ARK2N: variants seen among roughly 807,000 people sequenced by gnomAD.
The protein encoded by ARK2N is arkadia (RNF111) N-terminal like PKA signaling regulator 2N.
chr18:46,257,060 T>G, the ARK2N span, among the ~76,000 whole-genome samples: 4 of 152,224 alleles, frequency 2.6e-5, no homozygotes, highest in Non-Finnish European at 5.9e-5. Flanking sequence ...TTTTAGGTTT[T>G]GATCCACATC....
At chr18:46,259,021 A>T in the ARK2N span, among the ~76,000 whole-genome samples, 2 of 148,492 alleles carry the variant, frequency 1.3e-5, no homozygotes, top group Admixed American at 6.6e-5. Context: ...CTCTGTAGTT[A>T]AAAAAAAATG....
chr18:46,241,580 G>A, the ARK2N span, among the ~76,000 whole-genome samples: 1 of 151,838 alleles, frequency 6.6e-6, no homozygotes, highest in South Asian at 2.1e-4. Context: ...AAATTAGCTG[G>A]GCGTGATGGG....
chr18:46,264,124 C>T, the ARK2N span: 1 of 152,366 alleles, frequency 6.6e-6, no homozygotes, highest in African/African-American at 2.4e-5. Flanking sequence ...GTATTTTTCT[C>T]CTCTACCTTC....
At chr18:46,181,149 A>G in the ARK2N span, among the ~76,000 whole-genome samples, 69 of 152,210 alleles carry the variant, frequency 4.5e-4, no homozygotes, top group Non-Finnish European at 7.9e-4. Flanking sequence ...AATCCCAGCT[A>G]CTTGGGAGGC....
the ARK2N span, among the ~76,000 whole-genome samples, chr18:46,180,600 GGAGGCT>G: frequency 6.6e-6 from 1 of 152,194 alleles, no homozygotes; most frequent in Non-Finnish European, 1.5e-5. Flanking sequence ...CAGCTACCCA[GGAGGCT>G]GAGGCAGGAG....
At chr18:46,189,697 C>A in the ARK2N span, among the ~76,000 whole-genome samples, 1 of 152,044 alleles carries the variant, frequency 6.6e-6, no homozygotes, top group Non-Finnish European at 1.5e-5. Flanking sequence ...ATAGTGAAAT[C>A]CTTGTTTCTA....
the ARK2N span, among the ~76,000 whole-genome samples, chr18:46,201,636 T>C: frequency 2.0e-5 from 3 of 152,154 alleles, no homozygotes; most frequent in African/African-American, 7.2e-5. Flanking sequence ...TCTCCCAGCA[T>C]TGACCTACAA....
chr18:46,262,818 A>C, the ARK2N span: 1 of 1,096,534 alleles, frequency 9.1e-7, no homozygotes, highest in Non-Finnish European at 1.3e-6. Flanking sequence ...ATGAACTTGC[A>C]TACTAGGTTT....
the ARK2N span, chr18:46,216,385 G>T: frequency 6.2e-7 from 1 of 1,614,064 alleles, no homozygotes; most frequent in South Asian, 1.1e-5. This position sits in a 1 kb window ranked among gnomAD's most constrained non-coding sequence, Gnocchi z 4.3. Flanking sequence ...TGGCCGAGTC[G>T]CCAAGGTTAA....
At chr18:46,190,877 T>C in the ARK2N span, among the ~76,000 whole-genome samples, 1 of 152,316 alleles carries the variant, frequency 6.6e-6, no homozygotes, top group Middle Eastern at 3.4e-3. Context: ...CTAGCTCCTA[T>C]GAGACATGTT....
the ARK2N span, among the ~76,000 whole-genome samples, chr18:46,254,273 T>G: frequency 1.3e-5 from 2 of 152,248 alleles, no homozygotes; most frequent in Admixed American, 1.3e-4. Context: ...TGTCTTTCAT[T>G]AGAAGCAAAC....
chr18:46,207,667 C>T, the ARK2N span, among the ~76,000 whole-genome samples: 1 of 152,166 alleles, frequency 6.6e-6, no homozygotes, highest in Non-Finnish European at 1.5e-5. Context: ...GGATTACAGG[C>T]GTGAGCCACG....
the ARK2N span, chr18:46,266,878 G>GTT: frequency 6.6e-6 from 1 of 152,208 alleles, no homozygotes; most frequent in Non-Finnish European, 1.5e-5. Flanking sequence ...AAAACAGAGT[G>GTT]TTATATATAT....
chr18:46,212,246 CAG>C, the ARK2N span, among the ~76,000 whole-genome samples: 1 of 152,078 alleles, frequency 6.6e-6, no homozygotes, highest in African/African-American at 2.4e-5. Flanking sequence ...ACTTTTATGT[CAG>C]AGTGGATTTT....
the ARK2N span, among the ~76,000 whole-genome samples, chr18:46,259,634 G>A: frequency 9.6e-5 from 14 of 146,442 alleles, no homozygotes; most frequent in East Asian, 1.5e-3. Context: ...TTTTGAGACC[G>A]AGGCTCAGCC....
At chr18:46,253,938 G>A in the ARK2N span, 4 of 1,215,666 alleles carry the variant, frequency 3.3e-6, no homozygotes, top group South Asian at 4.9e-5. Context: ...AATGAATGAT[G>A]GGAGTTCTTG....
chr18:46,223,065 C>G, the ARK2N span, among the ~76,000 whole-genome samples: 11 of 152,242 alleles, frequency 7.2e-5, no homozygotes, highest in Admixed American at 5.2e-4. Flanking sequence ...TGTTCTTATA[C>G]CATTATCAGC....
chr18:46,211,721 C>T, the ARK2N span, among the ~76,000 whole-genome samples: 19 of 152,094 alleles, frequency 1.2e-4, no homozygotes, highest in East Asian at 2.7e-3. Context: ...GAGGAGGTTG[C>T]GTTTAGATTG....
At chr18:46,237,063 A>G in the ARK2N span, among the ~76,000 whole-genome samples, 3 of 151,798 alleles carry the variant, frequency 2.0e-5, no homozygotes, top group South Asian at 4.2e-4. Flanking sequence ...GGGTTTTACC[A>G]TGTTGGTCAG....
Sources: gnomAD v4.1 joint callset for allele counts (sites outside exome capture counted in the v4.1 genomes callset) on GRCh38, gnomAD v4.1.1 for gene constraint, Gnocchi (gnomAD v3.1) non-coding constraint, MANE v1.5 for transcripts, NCBI Gene and HGNC (gene_info 2026-07-23, HGNC 2026-07-21) for gene names.